The following ELMO1 variants were observed in gnomAD, a reference collection of about 807,000 sequenced individuals.
ELMO1 encodes engulfment and cell motility protein 1.
ELMO1 carries 26 observed loss-of-function variants against 98.9 expected under a neutral mutation model. The observed-to-expected ratio is 0.26, with a 90% CI of 0.19 to 0.36. ELMO1 has a LOEUF of 0.36. Ranked by LOEUF, ELMO1 falls within the 10% of genes least tolerant of loss-of-function variation. ELMO1 has a pLI of 1.00. For missense variants in ELMO1, 627 were observed against 935.2 expected (o/e 0.67, Z 4.30); for synonymous variants, 346 against 346.0 (o/e 1.00, Z 0.00).
intron 19 of ELMO1, among the ~76,000 whole-genome samples, chr7:36,872,418 G>A (rs1253322009): frequency 1.3e-5 from 2 of 152,232 alleles, no homozygotes; most frequent in Non-Finnish European, 2.9e-5. Context: ...GTTGTATAAC[G>A]TGAGTGAGAA....
chr7:37,359,738 A>T (rs1281040518), intron 1 of ELMO1, among the ~76,000 whole-genome samples: 1 of 152,204 alleles, frequency 6.6e-6, no homozygotes, highest in Non-Finnish European at 1.5e-5. Context: ...GGCACCGAGT[A>T]AGAGCGTGGC....
chr7:37,077,544 C>T (rs1030095567), intron 15 of ELMO1, among the ~76,000 whole-genome samples: 7 of 152,000 alleles, frequency 4.6e-5, no homozygotes, highest in Admixed American at 2.0e-4. Context: ...GAAGCAGGGG[C>T]GGATTGGAGG....
At chr7:37,208,447 T>A (rs1792762897) in intron 13 of ELMO1, among the ~76,000 whole-genome samples, 1 of 152,244 alleles carries the variant, frequency 6.6e-6, no homozygotes, top group African/African-American at 2.4e-5. Flanking sequence ...CTTAATCTTA[T>A]GAACTGAACT....
chr7:37,448,509 C>G (rs1043365920), intron 1 of ELMO1, among the ~76,000 whole-genome samples, 166 bp downstream of exon 1: 1 of 152,036 alleles, frequency 6.6e-6, no homozygotes, highest in Admixed American at 6.5e-5. Context: ...GGCGGCCACC[C>G]CCGCCCGAGC....
At chr7:37,165,739 CA>C (rs1307060829) in intron 13 of ELMO1, among the ~76,000 whole-genome samples, 1 of 152,058 alleles carries the variant, frequency 6.6e-6, no homozygotes, top group Non-Finnish European at 1.5e-5. Flanking sequence ...TTCGGTTTAC[CA>C]GTATTTTATT....
At chr7:36,872,402 G>T (rs573006726) in intron 19 of ELMO1, among the ~76,000 whole-genome samples, 7 of 152,240 alleles carry the variant, frequency 4.6e-5, no homozygotes, top group Non-Finnish European at 1.0e-4. Flanking sequence ...TTGCCAACCT[G>T]TGTATGTTGT....
chr7:37,020,034 T>C (rs1029446069), intron 15 of ELMO1, among the ~76,000 whole-genome samples: 1 of 152,220 alleles, frequency 6.6e-6, no homozygotes. Context: ...GCAGGTATTG[T>C]CACTGGCTCT....
intron 19 of ELMO1, among the ~76,000 whole-genome samples, chr7:36,875,464 T>C (rs139636735): frequency 7.9e-5 from 12 of 152,330 alleles, no homozygotes; most frequent in South Asian, 4.1e-4. Context: ...CAAGTATGCA[T>C]TGTTAGTTCA....
At chr7:37,274,895 G>A (rs976076329) in intron 4 of ELMO1, among the ~76,000 whole-genome samples, 29 of 152,288 alleles carry the variant, frequency 1.9e-4, no homozygotes, top group African/African-American at 6.5e-4. Context: ...GAGCTGCAAT[G>A]AGACATTCCT....
At position 37,241,839 on chromosome 7, in the gene ELMO1, C is replaced by A. The variant is rs147863113; in HGVS notation, c.449+2517G>T. Among the ~76,000 whole-genome samples the A allele has an allele frequency of 5.3e-5, 8 of 152,248 alleles. No individual in the cohort carries two copies. In the East Asian group the frequency reaches 1.3e-3, roughly 26 times the overall value. On this transcript the variant is annotated intron_variant, in intron 7 of 21. Coordinates refer to ENST00000310758, the MANE Select transcript of ELMO1 (RefSeq NM_014800.11). ...CATCAACATATGTCATAAACCCTAC[C>A]AAACAGTATTATAATTTTTGCTTTA... is the stretch of plus-strand genomic sequence containing the variant.
At chr7:37,145,219 G>A (rs1360626888) in intron 13 of ELMO1, among the ~76,000 whole-genome samples, 2 of 152,206 alleles carry the variant, frequency 1.3e-5, no homozygotes, top group East Asian at 1.9e-4. Context: ...GACTCTTTGA[G>A]ACCCACTGGT....
intron 15 of ELMO1, among the ~76,000 whole-genome samples, chr7:37,039,411 C>T (rs1030574558): frequency 2.6e-5 from 4 of 152,204 alleles, no homozygotes; most frequent in African/African-American, 9.6e-5. Flanking sequence ...GGCTCCTGCT[C>T]GTGGGCAGGG....
At chr7:37,415,146 T>C (rs1804159441) in intron 1 of ELMO1, among the ~76,000 whole-genome samples, 2 of 152,234 alleles carry the variant, frequency 1.3e-5, no homozygotes, top group African/African-American at 2.4e-5. Context: ...TGTTAATTTT[T>C]AAATCCACAC....
Position 37,188,501 on chromosome 7 carries a change from A to AAAAAATAAT in ELMO1, c.1086+22884_1086+22885insATTATTTTT, listed in dbSNP as rs764889756. ...CTGGAGAAAGGTAAAAAAAAAAAAA[A>AAAAAATAAT]AATAATAATAATAATAATAATAATA... On this transcript the variant is annotated intron_variant, in intron 13 of 21. Coordinates refer to ENST00000310758, the MANE Select transcript of ELMO1 (RefSeq NM_014800.11). Among the ~76,000 whole-genome samples, 83 of 125,936 alleles carry AAAAAATAAT rather than the reference A, an allele frequency of 6.6e-4. 2 individuals carry two copies. Among genetic ancestry groups the AAAAAATAAT allele is most frequent in the East Asian group, 6.2e-3 (28 of 4,544 alleles). The allele number at this position is 125,936 out of a possible 152,430, so 82.6% of individuals were successfully genotyped here. A position where few individuals can be genotyped will look rare whatever the true frequency, so the allele number is the denominator to read the frequency against.
At chr7:36,944,801 G>T (rs1239617951) in intron 16 of ELMO1, among the ~76,000 whole-genome samples, 1 of 152,130 alleles carries the variant, frequency 6.6e-6, no homozygotes, top group Non-Finnish European at 1.5e-5. Flanking sequence ...CCTCATACAT[G>T]GAGACAAGAT....
chr7:36,894,777 C>A, intron 17 of ELMO1, 77 bp downstream of exon 17: 1 of 1,585,032 alleles, frequency 6.3e-7, no homozygotes, highest in Admixed American at 1.7e-5. Context: ...CACAGCCCAG[C>A]TTCATGACAG....
intron 1 of ELMO1, among the ~76,000 whole-genome samples, chr7:37,357,153 T>C (rs1801528220): frequency 1.3e-5 from 2 of 152,228 alleles, no homozygotes; most frequent in African/African-American, 4.8e-5. Flanking sequence ...AACATAAGAA[T>C]AGTTATGGGG....
At chr7:36,955,297 T>C (rs1036536514) in intron 16 of ELMO1, among the ~76,000 whole-genome samples, 1 of 152,238 alleles carries the variant, frequency 6.6e-6, no homozygotes, top group African/African-American at 2.4e-5. Flanking sequence ...TGCTTCTTTT[T>C]CTACCCTATC....
At chr7:37,054,232 C>A (rs1013324397) in intron 15 of ELMO1, among the ~76,000 whole-genome samples, 10 of 152,138 alleles carry the variant, frequency 6.6e-5, no homozygotes, top group African/African-American at 2.4e-4. Context: ...GTATTTGTTA[C>A]TTTCTCTTTT....
Sources: allele counts gnomAD v4.1 joint callset (sites outside exome capture counted in the v4.1 genomes callset), GRCh38; gene constraint gnomAD v4.1.1; transcripts MANE v1.5; gene names NCBI Gene and HGNC (gene_info 2026-07-23, HGNC 2026-07-21).